ADAMTSL1: variants seen among roughly 807,000 people sequenced by gnomAD.
ADAMTSL1 encodes ADAMTS like 1.
A neutral mutation model predicts 201.8 loss-of-function variants in ADAMTSL1; 126 were observed. The observed-to-expected ratio is 0.62, with a 90% confidence interval of 0.54 to 0.72. The LOEUF (loss-of-function observed/expected upper bound fraction) is 0.72. Among genes scored for constraint, ADAMTSL1 ranks in the 30% least tolerant of loss-of-function variants. The probability of loss-of-function intolerance (pLI) is 0.00; values close to 1 mark genes in which losing one functional copy is unlikely to be tolerated. For synonymous variants in ADAMTSL1, 1,121 were observed against 903.4 expected, an observed-to-expected ratio of 1.24 and a Z score of -4.32; for missense variants, 2,679 against 2,277.8, an observed-to-expected ratio of 1.18 and a Z score of -3.59.
At chr9:18,267,054 AT>A (rs1312965259) in intron 2 of ADAMTSL1, among the ~76,000 whole-genome samples, 1 of 152,084 alleles carries the variant, frequency 6.6e-6, no homozygotes, top group Non-Finnish European at 1.5e-5. Context: ...CCACTACTTC[AT>A]TTGATCTGAC....
chr9:18,400,772 T>C (rs999038027), intron 2 of ADAMTSL1, among the ~76,000 whole-genome samples: 2 of 152,200 alleles, frequency 1.3e-5, no homozygotes, highest in Admixed American at 6.5e-5. Flanking sequence ...TTTCTGATAT[T>C]AGGTACCCCT....
intron 1 of ADAMTSL1, among the ~76,000 whole-genome samples, chr9:18,003,783 C>T (rs1563944068): frequency 6.6e-6 from 1 of 152,152 alleles, no homozygotes; most frequent in East Asian, 1.9e-4. Context: ...AACGAATGAG[C>T]CTTCTGTGCA....
chr9:18,615,226 AAAAC>A (rs995676984), intron 4 of ADAMTSL1, among the ~76,000 whole-genome samples: 9 of 152,240 alleles, frequency 5.9e-5, no homozygotes, highest in Non-Finnish European at 1.0e-4. Flanking sequence ...AACAAAACAA[AAAAC>A]AAACAAACAA....
intron 23 of ADAMTSL1, among the ~76,000 whole-genome samples, chr9:18,846,693 T>C (rs891206904): frequency 5.9e-5 from 9 of 152,140 alleles, no homozygotes; most frequent in Non-Finnish European, 1.0e-4. Flanking sequence ...GTCCCCTGTT[T>C]AGGAAATTGT....
chr9:18,793,763 CTCTGAGCT>C (rs143703276), intron 19 of ADAMTSL1, among the ~76,000 whole-genome samples: 2,695 of 152,196 alleles, frequency 0.018, 69 homozygotes, highest in African/African-American at 0.055. Flanking sequence ...GGCACCGGAT[CTCTGAGCT>C]TCTGAGCTTC....
chr9:18,505,094 A>C (rs750041158), intron 2 of ADAMTSL1, 138 bp downstream of exon 2: 21 of 1,158,744 alleles, frequency 1.8e-5, no homozygotes, highest in Non-Finnish European at 2.4e-5. Context: ...GGAACGTACA[A>C]ATAATTAAAT....
At chr9:18,084,427 CAGG>C (rs1366915639) in intron 1 of ADAMTSL1, among the ~76,000 whole-genome samples, 1 of 151,622 alleles carries the variant, frequency 6.6e-6, no homozygotes, top group Non-Finnish European at 1.5e-5. Flanking sequence ...GAGGCTGAGA[CAGG>C]AGAATTTCTT....
chr9:18,047,397 T>C (rs963136991), intron 1 of ADAMTSL1, among the ~76,000 whole-genome samples: 1 of 152,168 alleles, frequency 6.6e-6, no homozygotes, highest in Non-Finnish European at 1.5e-5. Context: ...ACAGGTATAC[T>C]GCTAAACATC....
intron 1 of ADAMTSL1, among the ~76,000 whole-genome samples, chr9:18,131,173 G>A (rs1825935398): frequency 1.3e-5 from 2 of 152,014 alleles, no homozygotes; most frequent in Non-Finnish European, 2.9e-5. Context: ...GGTGTCATTG[G>A]CTATCTTTGG....
chr9:18,535,995 C>G (rs901025921), intron 3 of ADAMTSL1, among the ~76,000 whole-genome samples: 1 of 152,090 alleles, frequency 6.6e-6, no homozygotes, highest in African/African-American at 2.4e-5. Flanking sequence ...ATCCATAGCA[C>G]TCCATGAGCC....
intron 7 of ADAMTSL1, among the ~76,000 whole-genome samples, chr9:18,657,163 T>A (rs138961385): frequency 1.7e-4 from 26 of 152,358 alleles, no homozygotes; most frequent in African/African-American, 5.8e-4. Context: ...AAGCCCAATA[T>A]GTGTCTCTGA....
intron 1 of ADAMTSL1, among the ~76,000 whole-genome samples, chr9:18,045,535 C>T (rs1394428518): frequency 1.3e-5 from 2 of 152,290 alleles, no homozygotes; most frequent in East Asian, 1.9e-4. Flanking sequence ...CATTCATGAT[C>T]AATGAATGCT....
chr9:18,214,240 T>G (rs1829985459), intron 2 of ADAMTSL1, among the ~76,000 whole-genome samples: 1 of 152,196 alleles, frequency 6.6e-6, no homozygotes, highest in South Asian at 2.1e-4. Context: ...TTTTAAAAGT[T>G]TTTAAATTAG....
At chr9:18,117,913 C>G (rs1200604427) in intron 1 of ADAMTSL1, among the ~76,000 whole-genome samples, 1 of 152,160 alleles carries the variant, frequency 6.6e-6, no homozygotes, top group Non-Finnish European at 1.5e-5. Flanking sequence ...CAAATTTGTA[C>G]TAACTCTATC....
At chr9:18,065,552 C>T (rs1483980043) in intron 1 of ADAMTSL1, among the ~76,000 whole-genome samples, 1 of 152,046 alleles carries the variant, frequency 6.6e-6, no homozygotes, top group Non-Finnish European at 1.5e-5. Context: ...TGCCACAGGT[C>T]GTAGATGAAA....
At chr9:18,314,569 G>T (rs976626312) in intron 2 of ADAMTSL1, among the ~76,000 whole-genome samples, 10 of 151,506 alleles carry the variant, frequency 6.6e-5, no homozygotes, top group African/African-American at 2.4e-4. Context: ...CCTTCCTCCC[G>T]TCTGGAGTTG....
At chr9:18,498,552 G>T (rs1046114007) in intron 1 of ADAMTSL1, among the ~76,000 whole-genome samples, 1 of 152,044 alleles carries the variant, frequency 6.6e-6, no homozygotes, top group Non-Finnish European at 1.5e-5. Flanking sequence ...TGGTCAGGCT[G>T]GTCTCAAAGT....
intron 2 of ADAMTSL1, among the ~76,000 whole-genome samples, chr9:18,506,801 G>A (rs1554691536): frequency 2.0e-5 from 3 of 151,976 alleles, no homozygotes. Context: ...ATACAAGGCT[G>A]ACCAAGAAGC....
chr9:18,650,214 C>A (rs777277698), intron 7 of ADAMTSL1, among the ~76,000 whole-genome samples: 6 of 152,204 alleles, frequency 3.9e-5, no homozygotes, highest in Non-Finnish European at 8.8e-5. Flanking sequence ...GATATAATCT[C>A]CTGGTGTGCC....
Sources: gnomAD v4.1 joint callset for allele counts (sites outside exome capture counted in the v4.1 genomes callset) on GRCh38, gnomAD v4.1.1 for gene constraint, MANE v1.5 for transcripts, NCBI Gene and HGNC (gene_info 2026-07-23, HGNC 2026-07-21) for gene names.